Variants in SIAH3 observed in about 807,000 individuals in gnomAD.
SIAH3 encodes seven in absentia homolog 3.
In SIAH3, 9 loss-of-function variants were observed where a neutral mutation model predicts 12.6. That is an observed-to-expected ratio of 0.72 (90% CI 0.43 to 1.25). SIAH3 has a LOEUF of 1.25. SIAH3 is among the 50% of genes most tolerant of loss of function. The pLI is 0.00. For missense variants in SIAH3, 390 were observed against 365.4 expected, an observed-to-expected ratio of 1.07 and a Z score of -0.55; for synonymous variants, 154 against 151.1, an observed-to-expected ratio of 1.02 and a Z score of -0.14.
chr13:45,801,768 T>C (rs1200798443), intron 1 of SIAH3, among the ~76,000 whole-genome samples: 1 of 152,198 alleles, frequency 6.6e-6, no homozygotes, highest in Non-Finnish European at 1.5e-5. Flanking sequence ...AATTTGAATA[T>C]AGGTAAGGTC....
At chr13:45,795,924 A>G (rs1207693169) in intron 1 of SIAH3, among the ~76,000 whole-genome samples, 2 of 130,376 alleles carry the variant, frequency 1.5e-5, no homozygotes, top group East Asian at 3.9e-4. Context: ...ACCCAACAAC[A>G]TGGATAGATC....
At chr13:45,829,732 G>A (rs1374115161) in intron 1 of SIAH3, among the ~76,000 whole-genome samples, 1 of 152,132 alleles carries the variant, frequency 6.6e-6, no homozygotes, top group Non-Finnish European at 1.5e-5. Context: ...TTAGTTTGAG[G>A]CAAAACTGTC....
In SIAH3 at chr13:45,782,318, G is replaced by A. The variant is rs978226503; in HGVS notation, c.*1065C>T. ...GGAGCATTTTAGAAAGTGAGGAAAG[G>A]GAAGAGAGCCTCCCAGGTTTGTAAG... is the stretch of plus-strand genomic sequence containing the variant. On this transcript the variant is annotated 3_prime_UTR_variant, in exon 2 of 2. Coordinates refer to ENST00000400405, the MANE Select transcript of SIAH3 (RefSeq NM_198849.3). The A allele has an allele frequency of 3.9e-5, 6 of 152,172 alleles. No individual in the cohort carries two copies. The highest frequency in any genetic ancestry group is 1.4e-4 in the African/African-American group (6 of 41,448). The allele number at this position is 152,172 out of a possible 1,614,324, so 9.4% of individuals were successfully genotyped here.
intron 1 of SIAH3, among the ~76,000 whole-genome samples, chr13:45,799,969 C>T (rs1193518031): frequency 6.6e-6 from 1 of 152,226 alleles, no homozygotes; most frequent in Non-Finnish European, 1.5e-5. Flanking sequence ...TGATCCACAT[C>T]ACTGTTCTCT....
chr13:45,790,304 A>G (rs1950541779), intron 1 of SIAH3, among the ~76,000 whole-genome samples: 1 of 152,210 alleles, frequency 6.6e-6, no homozygotes, highest in South Asian at 2.1e-4. Context: ...AACTTTGTGA[A>G]CAAAACTGTT....
chr13:45,803,265 T>TATTC (rs1950588419), intron 1 of SIAH3, among the ~76,000 whole-genome samples: 1 of 152,228 alleles, frequency 6.6e-6, no homozygotes. Flanking sequence ...GATTTAGTTT[T>TATTC]ATTCATTCAT....
chr13:45,836,347 T>C (rs1309182069), intron 1 of SIAH3, among the ~76,000 whole-genome samples: 2 of 152,190 alleles, frequency 1.3e-5, no homozygotes, highest in African/African-American at 4.8e-5. Context: ...GAAACTGTAG[T>C]GCATATACGC....
rs562325924 is a variant in SIAH3, at chr13:45,797,818, A to G, written c.136-13761T>C. Among the ~76,000 whole-genome samples the G allele has an allele frequency of 3.8e-3, 578 of 152,260 alleles. 2 individuals are homozygous for G. The highest frequency in any genetic ancestry group is 0.012 in the African/African-American group (517 of 41,542). ...CTTCTTCCTTCACAAAAGCCCTAAC[A>G]TCCCTTTAGGAATCAAATAGCATAT... On this transcript the variant is annotated intron_variant, in intron 1 of 1. Transcript: ENST00000400405.
intron 1 of SIAH3, among the ~76,000 whole-genome samples, chr13:45,839,312 A>G (rs1357287635): frequency 1.3e-5 from 2 of 151,938 alleles, no homozygotes; most frequent in Admixed American, 6.6e-5. Flanking sequence ...TGCATTTCCA[A>G]TGTGGCCAAC....
chr13:45,849,240 T>A (rs1179124801), intron 1 of SIAH3, among the ~76,000 whole-genome samples: 1 of 152,212 alleles, frequency 6.6e-6, no homozygotes, highest in African/African-American at 2.4e-5. Context: ...TCTGGGGTGA[T>A]GTTCCTCTGA....
intron 1 of SIAH3, among the ~76,000 whole-genome samples, chr13:45,797,987 C>T (rs1001308780): frequency 5.9e-5 from 9 of 152,222 alleles, no homozygotes; most frequent in Non-Finnish European, 7.4e-5. Context: ...ATGCAGTGTC[C>T]CCTTGCAGAC....
intron 1 of SIAH3, among the ~76,000 whole-genome samples, chr13:45,795,916 C>T (rs1025133108): frequency 6.8e-6 from 1 of 147,578 alleles, no homozygotes; most frequent in African/African-American, 2.6e-5. Flanking sequence ...ACTGCTATAC[C>T]CAACAACATG....
At chr13:45,839,786 C>T (rs915590645) in intron 1 of SIAH3, among the ~76,000 whole-genome samples, 11 of 152,156 alleles carry the variant, frequency 7.2e-5, no homozygotes, top group Admixed American at 1.3e-4. Context: ...GAGCTGAGAT[C>T]GCACCACTGC....
At position 45,782,261 on chromosome 13, in the gene SIAH3, G is replaced by C. The variant is rs898976111; in HGVS notation, c.*1122C>G. ...CAGGTGCTGAATACATACTTGAGCC[G>C]TGGTCACGTCTGCGTGCTGAATGGG... On this transcript the variant is annotated 3_prime_UTR_variant, in exon 2 of 2. Transcript: ENST00000400405. 6.6e-6 allele frequency: 1 copy of C among 152,200 alleles called. No homozygotes were observed. The highest frequency in any genetic ancestry group is 1.9e-4 in the East Asian group (1 of 5,186). 9.4% of individuals were successfully genotyped at this position (152,200 alleles called of 1,614,324 possible). A position where few individuals can be genotyped will look rare whatever the true frequency, so the allele number is the denominator to read the frequency against.
chr13:45,816,409 G>C (rs890299212), intron 1 of SIAH3, among the ~76,000 whole-genome samples: 3 of 152,230 alleles, frequency 2.0e-5, no homozygotes, highest in Non-Finnish European at 2.9e-5. Flanking sequence ...CCCAGCCAAA[G>C]AAGACAGGGT....
At chr13:45,814,611 C>A (rs1950627762) in intron 1 of SIAH3, among the ~76,000 whole-genome samples, 1 of 152,198 alleles carries the variant, frequency 6.6e-6, no homozygotes, top group South Asian at 2.1e-4. Flanking sequence ...AGCTTCTCAG[C>A]CCCTCCCCAC....
intron 1 of SIAH3, among the ~76,000 whole-genome samples, chr13:45,800,207 A>G (rs1950576761): frequency 6.6e-6 from 1 of 152,188 alleles, no homozygotes; most frequent in Non-Finnish European, 1.5e-5. Context: ...ATGCCTAAAT[A>G]TTGCACTTGT....
In SIAH3 at chr13:45,851,592, T is replaced by G. The variant is rs1279997602; in HGVS notation, c.38A>C (p.Asp13Ala). Reference protein sequence around the residue: ...FFTQCFGAVLDLIHLRFQHYK... With the variant: ...FFTQCFGAVLALIHLRFQHYK... ...GTGCTGAAACCGGAGATGAATGAGA[T>G]CTAATACAGCCCCAAAGCACTGGGT... Residue 13 changes from aspartate (D) to alanine (A), a missense_variant, in exon 1 of 2, where the codon GAT (aspartate) becomes GCT (alanine). Coordinates refer to ENST00000400405, the MANE Select transcript of SIAH3 (RefSeq NM_198849.3). The G allele has an allele frequency of 1.2e-6, 2 of 1,613,760 alleles. No individual in the cohort carries two copies. The highest frequency in any genetic ancestry group is 3.3e-5 in the Admixed American group (2 of 60,004).
At chr13:45,835,988 C>T (rs188278250) in intron 1 of SIAH3, among the ~76,000 whole-genome samples, 3 of 152,354 alleles carry the variant, frequency 2.0e-5, no homozygotes, top group Admixed American at 2.0e-4. Context: ...ATTAGACCTA[C>T]ATCTACTATG....
Sources: gnomAD v4.1 joint callset for allele counts (sites outside exome capture counted in the v4.1 genomes callset) on GRCh38, gnomAD v4.1.1 for gene constraint, MANE v1.5 for transcripts, NCBI Gene and HGNC (gene_info 2026-07-23, HGNC 2026-07-21) for gene names.